ABCB8: variants seen among roughly 807,000 people sequenced by gnomAD.
ABCB8 encodes the protein ATP binding cassette subfamily B member 8, also known as mitochondrial potassium channel ATP-binding subunit.
In ABCB8, 52 loss-of-function variants were observed where a neutral mutation model predicts 73.0. The observed-to-expected ratio is 0.71, with a 90% confidence interval of 0.57 to 0.90. The LOEUF (loss-of-function observed/expected upper bound fraction) is 0.90. Among genes scored for constraint, ABCB8 ranks in the 40% least tolerant of loss-of-function variants. ABCB8 has a pLI of 0.00. For synonymous variants in ABCB8, 428 were observed against 423.5 expected, an observed-to-expected ratio of 1.01 and a Z score of -0.13; for missense variants, 909 against 974.6, an observed-to-expected ratio of 0.93 and a Z score of 0.90.
chr7:151,035,234 T>G (rs1003586279), intron 5 of ABCB8, among the ~76,000 whole-genome samples: 14 of 152,242 alleles, frequency 9.2e-5, no homozygotes, highest in African/African-American at 3.4e-4. Context: ...CGACTCTGAC[T>G]GCTGGATCAT....
intron 1 of ABCB8, chr7:151,033,229 C>A (rs889764137): frequency 1.9e-5 from 8 of 414,746 alleles, no homozygotes; most frequent in Admixed American, 1.3e-4. Flanking sequence ...GTCCCTTAAA[C>A]CCCCGGCCCC....
At chr7:151,039,378 A>C (rs1220354783) in intron 9 of ABCB8, 1 of 152,216 alleles carries the variant, frequency 6.6e-6, no homozygotes, top group Non-Finnish European at 1.5e-5. Flanking sequence ...ACTCACCCCC[A>C]CCCTAGTGCT....
intron 9 of ABCB8, 46 bp downstream of exon 9, chr7:151,036,695 C>T: frequency 2.0e-6 from 3 of 1,499,070 alleles, no homozygotes; most frequent in Non-Finnish European, 2.7e-6. Context: ...CTGCCGCCCT[C>T]CAGAGCCCTG....
intron 6 of ABCB8, 37 bp from the exon 7 acceptor site, chr7:151,035,845 T>C (rs6968942): frequency 6.2e-7 from 1 of 1,611,386 alleles, no homozygotes; most frequent in Non-Finnish European, 8.5e-7. Flanking sequence ...TGTCCTGTTT[T>C]CTGGACTCCT....
Position 151,045,325 on chromosome 7 carries a change from C to G in ABCB8, c.2133C>G (p.Pro711=), listed in dbSNP as rs1198073968. Residue 711 remains proline, a synonymous_variant, in exon 16 of 16, where the codon CCC becomes CCG. Transcript: ENST00000358849. The part of the protein sequence containing the change: ...AAPPPKKPEG[P]RSHQHKS ...CACCGCCCAAAAAGCCAGAAGGCCC[C>G]AGGAGCCACCAGCACAAGTCCTGAG... is the stretch of plus-strand genomic sequence containing the variant. The G allele has an allele frequency of 6.3e-7, 1 of 1,588,428 alleles. No individual in the cohort carries two copies. Among genetic ancestry groups the G allele is most frequent in the Admixed American group, 1.8e-5 (1 of 56,234 alleles).
At chr7:151,035,804 G>T in intron 6 of ABCB8, 62 bp downstream of exon 6, 1 of 1,609,708 alleles carries the variant, frequency 6.2e-7, no homozygotes. Context: ...CCACTCCCCG[G>T]AACTCCTCCC....
intron 1 of ABCB8, chr7:151,033,270 C>T (rs767514552): frequency 7.0e-5 from 36 of 517,596 alleles, no homozygotes; most frequent in Non-Finnish European, 1.1e-4. Context: ...GGCCATCTAA[C>T]GTGCCATCCA....
intron 13 of ABCB8, 150 bp downstream of exon 13, chr7:151,041,382 T>C (rs1263250546): frequency 9.0e-7 from 1 of 1,110,736 alleles, no homozygotes; most frequent in African/African-American, 1.6e-5. Context: ...TCCTCAGCTG[T>C]TGTCTGGGTG....
At chr7:151,032,821 T>C (rs1453057071) in intron 1 of ABCB8, 3 of 333,288 alleles carry the variant, frequency 9.0e-6, no homozygotes, top group Non-Finnish European at 1.8e-5. Flanking sequence ...AGAATTCTTA[T>C]TTTTCTCTGT....
rs1452565014 is a variant in ABCB8, at chr7:151,034,549, C to G, written c.609C>G (p.Gly203=). ...FGYLVLLSHV[G]ERMAVDMRRA... ...ACCTGGTGCTGCTGTCCCACGTTGG[C>G]GAGCGCATGGCTGTGGACATGCGGA... is the stretch of plus-strand genomic sequence containing the variant. Residue 203 remains glycine, a synonymous_variant, in exon 4 of 16, where the codon GGC becomes GGG. Coordinates refer to ENST00000358849, the MANE Select transcript of ABCB8 (RefSeq NM_007188.5). 1 of 1,613,348 alleles carries G rather than the reference C, an allele frequency of 6.2e-7. No homozygotes were observed. The highest frequency in any genetic ancestry group is 8.5e-7 in the Non-Finnish European group (1 of 1,180,020).
intron 15 of ABCB8, among the ~76,000 whole-genome samples, chr7:151,044,452 T>C (rs1254249523): frequency 6.6e-6 from 1 of 152,110 alleles, no homozygotes; most frequent in Non-Finnish European, 1.5e-5. Context: ...AATTGCACCA[T>C]CAGCTCCCAG....
chr7:151,036,626 G>T lies in ABCB8; in HGVS notation c.1194G>T (p.Leu398=). Residue 398 remains leucine (L), a synonymous_variant, in exon 9 of 16, where the codon CTG becomes CTT. Transcript: ENST00000358849. Reference sequence around the variant, plus strand: ...CAGGGGGAGACCTCATGTCCTTCCTGGTGGCCTCCCAGACAGTGCAAAGGT... The same window carrying T: ...CAGGGGGAGACCTCATGTCCTTCCTTGTGGCCTCCCAGACAGTGCAAAGGT... The part of the protein sequence containing the change: ...QLTGGDLMSF[L]VASQTVQRSM... 6.2e-7 allele frequency: 1 copy of T among 1,612,120 alleles called. No homozygotes were observed. The highest frequency in any genetic ancestry group is 8.5e-7 in the Non-Finnish European group (1 of 1,178,944).
intron 1 of ABCB8, chr7:151,033,197 T>C (rs184097473): frequency 2.3e-6 from 1 of 433,678 alleles, no homozygotes; most frequent in African/African-American, 2.0e-5. Flanking sequence ...GCAGCTCTCT[T>C]TCCTCACCTC....
At position 151,033,880 on chromosome 7, in the gene ABCB8, T is replaced by C. The variant is rs1014554970; in HGVS notation, c.371T>C (p.Leu124Pro). 3 of 1,610,060 alleles carry C rather than the reference T, an allele frequency of 1.9e-6. No individual in the cohort carries two copies. The highest frequency in any genetic ancestry group is 2.5e-6 in the Non-Finnish European group (3 of 1,177,492). ...AACTGGAAGCTCTTCTGGCAGTTTC[T>C]GCACCCCCACCTGCTGGTCCTGGGG... ...RFNWKLFWQF[L>P]HPHLLVLGVA... Residue 124 changes from leucine (L) to proline (P), a missense_variant, in exon 2 of 16, where the codon CTG becomes CCG. Physicochemically the swap from Leu to Pro is moderately conservative, Grantham distance 98. Coordinates refer to ENST00000358849, the MANE Select transcript of ABCB8 (RefSeq NM_007188.5).
chr7:151,045,462 G>A lies in ABCB8; in HGVS notation c.*113G>A, dbSNP rs1335312442. The A allele has an allele frequency of 4.7e-6, 6 of 1,270,078 alleles. No individual in the cohort carries two copies. The highest frequency in any genetic ancestry group is 6.1e-6 in the Non-Finnish European group (6 of 984,998). 78.7% of individuals were successfully genotyped at this position (1,270,078 alleles called of 1,614,324 possible). A position where few individuals can be genotyped will look rare whatever the true frequency, so the allele number is the denominator to read the frequency against. On this transcript the variant is annotated 3_prime_UTR_variant, in exon 16 of 16. Coordinates refer to ENST00000358849, the MANE Select transcript of ABCB8 (RefSeq NM_007188.5). ...CAGGAGGGCCAGCATGTGGAGAGTCGCTGCGGCTGCTCCTGCTCACAATAA... is the reference window on the plus strand; with the variant it reads ...CAGGAGGGCCAGCATGTGGAGAGTCACTGCGGCTGCTCCTGCTCACAATAA...
In ABCB8 at chr7:151,045,323, C is replaced by A. The variant is rs1796586317; in HGVS notation, c.2131C>A (p.Pro711Thr). 2 of 1,590,200 alleles carry A rather than the reference C, an allele frequency of 1.3e-6. No individual in the cohort carries two copies. The highest frequency in any genetic ancestry group is 1.7e-4 in the Middle Eastern group (1 of 5,874). ...CCCACCGCCCAAAAAGCCAGAAGGCCCCAGGAGCCACCAGCACAAGTCCTG... is the reference window on the plus strand; with the variant it reads ...CCCACCGCCCAAAAAGCCAGAAGGCACCAGGAGCCACCAGCACAAGTCCTG... ...AAPPPKKPEGPRSHQHKS is the reference protein window; with the variant it reads ...AAPPPKKPEGTRSHQHKS Residue 711 changes from proline to threonine, a missense_variant, in exon 16 of 16, where the codon CCC (proline) becomes ACC (threonine). Pro to Thr is a conservative substitution (Grantham distance 38). Coordinates refer to ENST00000358849, the MANE Select transcript of ABCB8 (RefSeq NM_007188.5).
intron 9 of ABCB8, chr7:151,037,573 A>C: frequency 2.4e-5 from 12 of 493,216 alleles, no homozygotes; most frequent in East Asian, 7.5e-5. Context: ...GATAGTAAAT[A>C]TGCTGTAACA....
At chr7:151,035,444 T>A in intron 5 of ABCB8, 137 bp from the exon 6 acceptor site, 1 of 1,000,116 alleles carries the variant, frequency 1.0e-6, no homozygotes. Flanking sequence ...ACCGGTGGAC[T>A]GCCACTGGGC....
In ABCB8 at chr7:151,041,109, C is replaced by T. The variant is rs148909212; in HGVS notation, c.1494C>T (p.Thr498=). Residue 498 remains threonine (T), a synonymous_variant, in exon 13 of 16, where the codon ACC becomes ACT. Coordinates refer to ENST00000358849, the MANE Select transcript of ABCB8 (RefSeq NM_007188.5). ...AACCCAATTCCCCAGGAAAGACCACCGTGGCTTCCCTGCTGGAGCGCTTCT... is the reference window on the plus strand; with the variant it reads ...AACCCAATTCCCCAGGAAAGACCACTGTGGCTTCCCTGCTGGAGCGCTTCT... ...LVGQSGGGKT[T]VASLLERFYD... 1.3e-5 allele frequency: 21 copies of T among 1,613,504 alleles called. No individual in the cohort carries two copies. Among genetic ancestry groups the T allele is most frequent in the Middle Eastern group, 1.6e-4 (1 of 6,084 alleles).
Sources: allele counts gnomAD v4.1 joint callset (sites outside exome capture counted in the v4.1 genomes callset), GRCh38; gene constraint gnomAD v4.1.1; transcripts MANE v1.5; gene names NCBI Gene and HGNC (gene_info 2026-07-23, HGNC 2026-07-21).